The following CCDC170 variants were observed in gnomAD, a reference collection of about 807,000 sequenced individuals.
The protein encoded by CCDC170 is coiled-coil domain-containing protein 170.
In CCDC170, 69 loss-of-function variants were observed where a neutral mutation model predicts 72.6. The ratio of observed to expected loss-of-function variants is 0.95; its 90% CI spans 0.78 to 1.16. The LOEUF (loss-of-function observed/expected upper bound fraction) is 1.16. Ranked by LOEUF, CCDC170 falls within the 50% of genes most tolerant of loss-of-function variation. CCDC170 has a pLI of 0.00. For missense variants in CCDC170, 852 were observed against 832.5 expected, an observed-to-expected ratio of 1.02 and a Z score of -0.29; for synonymous variants, 300 against 303.9, an observed-to-expected ratio of 0.99 and a Z score of 0.13.
intron 9 of CCDC170, among the ~76,000 whole-genome samples, chr6:151,613,464 A>C (rs765813505): frequency 8.5e-5 from 13 of 152,216 alleles, no homozygotes; most frequent in Non-Finnish European, 1.8e-4. Flanking sequence ...TGGCACCACT[A>C]TCATATTTCA....
At chr6:151,553,888 T>G (rs1782926966) in intron 5 of CCDC170, among the ~76,000 whole-genome samples, 1 of 152,234 alleles carries the variant, frequency 6.6e-6, no homozygotes, top group South Asian at 2.1e-4. Flanking sequence ...CATAATGCTT[T>G]CTAAAGCTCT....
intron 1 of CCDC170, among the ~76,000 whole-genome samples, chr6:151,513,613 C>CAA (rs71014591): frequency 1.5e-3 from 67 of 45,986 alleles, no homozygotes; most frequent in Non-Finnish European, 2.1e-3. Context: ...GGCTCCGTCT[C>CAA]AAAAAAAAAA....
At chr6:151,506,210 A>G (rs1782064382) in intron 1 of CCDC170, among the ~76,000 whole-genome samples, 1 of 152,152 alleles carries the variant, frequency 6.6e-6, no homozygotes, top group African/African-American at 2.4e-5. Context: ...CACAAAATAT[A>G]CCTCCAAGTA....
At chr6:151,517,042 A>C (rs1266023374) in intron 1 of CCDC170, among the ~76,000 whole-genome samples, 1 of 152,218 alleles carries the variant, frequency 6.6e-6, no homozygotes, top group Non-Finnish European at 1.5e-5. Flanking sequence ...TTAGGAAAGA[A>C]AATGATTTTG....
intron 9 of CCDC170, among the ~76,000 whole-genome samples, chr6:151,597,073 G>A (rs1261200956): frequency 3.3e-5 from 5 of 152,152 alleles, no homozygotes; most frequent in African/African-American, 9.7e-5. Context: ...TGATCCGCCC[G>A]CCTTGGCCTC....
chr6:151,611,086 G>A (rs1394944328), intron 9 of CCDC170, among the ~76,000 whole-genome samples: 1 of 152,082 alleles, frequency 6.6e-6, no homozygotes, highest in Non-Finnish European at 1.5e-5. Flanking sequence ...GAACATCTTG[G>A]CCAACATGGT....
chr6:151,544,741 C>T, intron 4 of CCDC170, 25 bp downstream of exon 4: 5 of 1,587,582 alleles, frequency 3.1e-6, no homozygotes, highest in Non-Finnish European at 2.6e-6. Flanking sequence ...ATTAAAAAGT[C>T]TATAAATGTA....
intron 1 of CCDC170, among the ~76,000 whole-genome samples, chr6:151,522,148 G>A (rs1352039949): frequency 6.6e-6 from 1 of 151,670 alleles, no homozygotes; most frequent in Admixed American, 6.6e-5. Context: ...TGACAAGAGT[G>A]AAATTCCATG....
intron 4 of CCDC170, among the ~76,000 whole-genome samples, chr6:151,547,808 A>C (rs1477328135): frequency 6.6e-6 from 1 of 152,220 alleles, no homozygotes; most frequent in African/African-American, 2.4e-5. Flanking sequence ...AAGCCCTGCT[A>C]ATCTCAATTC....
At chr6:151,529,132 C>G (rs1333446320) in intron 1 of CCDC170, among the ~76,000 whole-genome samples, 1 of 151,954 alleles carries the variant, frequency 6.6e-6, no homozygotes, top group African/African-American at 2.4e-5. Context: ...GACAAAAACA[C>G]AATACTTTTC....
At position 151,523,955 on chromosome 6, in the gene CCDC170, G is replaced by A. The variant is rs79171497; in HGVS notation, c.58-12363G>A. Among the ~76,000 whole-genome samples, 398 of 152,260 alleles carry A rather than the reference G, an allele frequency of 2.6e-3. 10 individuals are homozygous for A. In the East Asian group the frequency reaches 0.061, roughly 23 times the overall value. On this transcript the variant is annotated intron_variant, in intron 1 of 10. Transcript: ENST00000239374. ...GAGAATTAAAGGGTGAGGTTGGAGCGAAAGTTTAATAAGCGAAAGGAGAAA... is the reference window on the plus strand; with the variant it reads ...GAGAATTAAAGGGTGAGGTTGGAGCAAAAGTTTAATAAGCGAAAGGAGAAA...
rs565187649 is a variant in CCDC170 at position 151,533,296 on chromosome 6, T to C, written c.58-3022T>C. On this transcript the variant is annotated intron_variant, in intron 1 of 10. Coordinates refer to ENST00000239374, the MANE Select transcript of CCDC170 (RefSeq NM_025059.4). ...GTCTCGATCTCCTGACCTTGTGATC[T>C]GCCCGCCTTGGCCTCCCAAAGTGCT... Among the ~76,000 whole-genome samples the C allele has an allele frequency of 7.0e-4, 106 of 151,856 alleles. 1 individual carries two copies. The South Asian group carries it at 0.017, about 24-fold the overall frequency.
At position 151,520,442 on chromosome 6, in the gene CCDC170, T is replaced by C. The variant is rs571519539; in HGVS notation, c.58-15876T>C. Among the ~76,000 whole-genome samples, 394 of 152,372 alleles carry C rather than the reference T, an allele frequency of 2.6e-3. 1 individual carries two copies. Among genetic ancestry groups the C allele is most frequent in the African/African-American group, 9.1e-3 (378 of 41,592 alleles). On this transcript the variant is annotated intron_variant, in intron 1 of 10. Coordinates refer to ENST00000239374, the MANE Select transcript of CCDC170 (RefSeq NM_025059.4). ...TCCATCTTGTTTGTAACCTTTAAGC[T>C]GTCCTTGTTCCTTCCTAGGTGTAGG...
At chr6:151,498,844 C>T (rs112431380) in intron 1 of CCDC170, among the ~76,000 whole-genome samples, 3 of 152,010 alleles carry the variant, frequency 2.0e-5, no homozygotes, top group African/African-American at 4.8e-5. Flanking sequence ...TTTGACTATT[C>T]TAGGCACGCT....
chr6:151,611,752 C>T (rs1156981092), intron 9 of CCDC170, among the ~76,000 whole-genome samples: 1 of 152,106 alleles, frequency 6.6e-6, no homozygotes, highest in Non-Finnish European at 1.5e-5. Flanking sequence ...ACTCTTGTCA[C>T]CCAGGCTGGA....
At position 151,621,093 on chromosome 6, in the gene CCDC170, A is replaced by C. The variant is rs1020283550; in HGVS notation, c.*2946A>C. The C allele has an allele frequency of 6.6e-6, 1 of 152,224 alleles. No homozygotes were observed. The highest frequency in any genetic ancestry group is 1.5e-5 in the Non-Finnish European group (1 of 68,040). 9.4% of individuals were successfully genotyped at this position (152,224 alleles called of 1,614,324 possible). On this transcript the variant is annotated 3_prime_UTR_variant, in exon 11 of 11. Transcript: ENST00000239374. Reference sequence around the variant, plus strand: ...AAGGGTATATGAAATGGGAACAATAAATTCTGTACATGTATACAGTCCATA... The same window carrying C: ...AAGGGTATATGAAATGGGAACAATACATTCTGTACATGTATACAGTCCATA...
chr6:151,564,721 A>T (rs1458878847), intron 5 of CCDC170, among the ~76,000 whole-genome samples: 1 of 152,136 alleles, frequency 6.6e-6, no homozygotes, highest in Non-Finnish European at 1.5e-5. Context: ...GGAAGTGCTC[A>T]GGTGCTAATG....
At position 151,531,275 on chromosome 6, in the gene CCDC170, T is replaced by C. The variant is rs17054980; in HGVS notation, c.58-5043T>C. 7.2e-3 allele frequency among the ~76,000 whole-genome samples: 1,093 copies of C among 152,306 alleles called. 22 individuals are homozygous for C. Among genetic ancestry groups the C allele is most frequent in the Admixed American group, 0.032 (490 of 15,290 alleles). On this transcript the variant is annotated intron_variant, in intron 1 of 10. Coordinates refer to ENST00000239374, the MANE Select transcript of CCDC170 (RefSeq NM_025059.4). Reference sequence around the variant, plus strand: ...CTGTACTTACACATTATAAACCAAATAAATTTAAGATAGACTTAAAGCACT... The same window carrying C: ...CTGTACTTACACATTATAAACCAAACAAATTTAAGATAGACTTAAAGCACT...
chr6:151,563,968 C>G (rs1776088212), intron 5 of CCDC170, among the ~76,000 whole-genome samples: 1 of 152,212 alleles, frequency 6.6e-6, no homozygotes, highest in African/African-American at 2.4e-5. Flanking sequence ...TTTGTCCATT[C>G]ACTAGTAACT....
Sources: allele counts gnomAD v4.1 joint callset (sites outside exome capture counted in the v4.1 genomes callset), GRCh38; gene constraint gnomAD v4.1.1; transcripts MANE v1.5; gene names NCBI Gene and HGNC (gene_info 2026-07-23, HGNC 2026-07-21).